TNIK: variants seen among roughly 807,000 people sequenced by gnomAD.
The protein encoded by TNIK is TRAF2 and NCK-interacting protein kinase.
A neutral mutation model predicts 191.3 loss-of-function variants in TNIK; 49 were observed. The observed-to-expected ratio is 0.26, with a 90% CI of 0.20 to 0.32. The LOEUF (loss-of-function observed/expected upper bound fraction) is 0.32. Ranked by LOEUF, TNIK falls within the 10% of genes least tolerant of loss-of-function variation. The pLI is 1.00. For missense variants in TNIK, 1,155 were observed against 1,702.3 expected (o/e 0.68, Z 5.66); for synonymous variants, 594 against 600.9 (o/e 0.99, Z 0.17).
chr3:171,190,353 T>G (rs1385117993), intron 6 of TNIK, among the ~76,000 whole-genome samples: 1 of 152,206 alleles, frequency 6.6e-6, no homozygotes, highest in African/African-American at 2.4e-5. Flanking sequence ...GGAAAAAAAT[T>G]GGGTCCTAGT....
chr3:171,322,429 A>C (rs1201995227), intron 2 of TNIK, among the ~76,000 whole-genome samples: 1 of 152,180 alleles, frequency 6.6e-6, no homozygotes, highest in Non-Finnish European at 1.5e-5. Context: ...CCCAATTTTC[A>C]CAGGTAACCA....
At chr3:171,415,563 C>CA (rs1300157854) in intron 1 of TNIK, among the ~76,000 whole-genome samples, 3 of 151,684 alleles carry the variant, frequency 2.0e-5, no homozygotes, top group South Asian at 2.1e-4. Context: ...GATAAATGCA[C>CA]AAAAAAAATT....
chr3:171,412,826 T>A (rs2108607959), intron 1 of TNIK, among the ~76,000 whole-genome samples: 1 of 152,350 alleles, frequency 6.6e-6, no homozygotes, highest in Middle Eastern at 3.4e-3. Context: ...TTATAATTGG[T>A]TGCTGTGAAC....
At chr3:171,258,072 A>G (rs761311963) in intron 2 of TNIK, among the ~76,000 whole-genome samples, 3 of 152,140 alleles carry the variant, frequency 2.0e-5, no homozygotes, top group Admixed American at 6.5e-5. Context: ...CACAGTGATG[A>G]TGGATGCCCT....
intron 2 of TNIK, among the ~76,000 whole-genome samples, chr3:171,316,882 G>A (rs1013336697): frequency 1.1e-4 from 17 of 148,464 alleles, no homozygotes; most frequent in Non-Finnish European, 1.3e-4. Context: ...ATATACAAGC[G>A]ATTACATTTT....
intron 2 of TNIK, among the ~76,000 whole-genome samples, chr3:171,298,579 G>A (rs1752565487): frequency 6.6e-6 from 1 of 152,166 alleles, no homozygotes; most frequent in Non-Finnish European, 1.5e-5. Flanking sequence ...TTCTGGCTGT[G>A]TCCTTTCTTA....
chr3:171,074,853 C>T (rs1719686087), intron 28 of TNIK, among the ~76,000 whole-genome samples: 1 of 152,156 alleles, frequency 6.6e-6, no homozygotes. Flanking sequence ...ATAACTAAGG[C>T]AAACAGTGTT....
chr3:171,134,901 C>G (rs1729763899), intron 15 of TNIK, among the ~76,000 whole-genome samples: 1 of 151,760 alleles, frequency 6.6e-6, no homozygotes, highest in African/African-American at 2.4e-5. Flanking sequence ...GAAAAGTAAG[C>G]AAAGAAGAAG....
At chr3:171,074,859 G>A (rs908819971) in intron 28 of TNIK, among the ~76,000 whole-genome samples, 7 of 152,206 alleles carry the variant, frequency 4.6e-5, no homozygotes, top group African/African-American at 1.4e-4. Context: ...AAGGCAAACA[G>A]TGTTTCTGAA....
chr3:171,191,653 T>G (rs901406756), intron 5 of TNIK, among the ~76,000 whole-genome samples: 1 of 152,260 alleles, frequency 6.6e-6, no homozygotes, highest in Non-Finnish European at 1.5e-5. Context: ...TTCTATTTCT[T>G]TTGTTGGCAT....
At chr3:171,120,570 C>T (rs1203677409) in intron 18 of TNIK, among the ~76,000 whole-genome samples, 1 of 152,130 alleles carries the variant, frequency 6.6e-6, no homozygotes, top group Non-Finnish European at 1.5e-5. Context: ...CCACCTGTCT[C>T]GGCCTCCCAA....
chr3:171,097,668 A>C (rs1722910166), intron 22 of TNIK, among the ~76,000 whole-genome samples: 1 of 152,154 alleles, frequency 6.6e-6, no homozygotes. Context: ...TTCACCTTCC[A>C]CCATGATTGT....
intron 21 of TNIK, among the ~76,000 whole-genome samples, chr3:171,105,143 A>G (rs979232793): frequency 1.3e-5 from 2 of 151,942 alleles, no homozygotes; most frequent in Admixed American, 1.3e-4. Context: ...TGATTTTCAG[A>G]TTTTTCATTT....
chr3:171,335,548 C>G (rs1321662587), intron 2 of TNIK, among the ~76,000 whole-genome samples: 1 of 152,202 alleles, frequency 6.6e-6, no homozygotes, highest in African/African-American at 2.4e-5. Context: ...TGGCTTCTTT[C>G]ACTTAGCATA....
intron 12 of TNIK, among the ~76,000 whole-genome samples, chr3:171,150,977 A>T (rs1294805947): frequency 6.6e-6 from 1 of 152,264 alleles, no homozygotes. Context: ...CTATACTTTG[A>T]AATCATCAGT....
chr3:171,456,033 A>G (rs116767661), intron 1 of TNIK, among the ~76,000 whole-genome samples: 4 of 152,222 alleles, frequency 2.6e-5, no homozygotes, highest in Non-Finnish European at 5.9e-5. Context: ...CTGGGTTTCA[A>G]TGGAGAAAGG....
intron 1 of TNIK, among the ~76,000 whole-genome samples, chr3:171,375,592 G>C (rs918310689): frequency 6.6e-6 from 1 of 152,204 alleles, no homozygotes; most frequent in African/African-American, 2.4e-5. Context: ...GCAGAGAGGA[G>C]AGATTTAAGA....
chr3:171,330,242 A>T (rs1756260034), intron 2 of TNIK, among the ~76,000 whole-genome samples: 1 of 152,228 alleles, frequency 6.6e-6, no homozygotes, highest in African/African-American at 2.4e-5. Flanking sequence ...AGTGTCATTG[A>T]GTCTTAGACA....
chr3:171,360,244 G>A (rs1388158206), intron 2 of TNIK, among the ~76,000 whole-genome samples: 2 of 152,190 alleles, frequency 1.3e-5, no homozygotes, highest in East Asian at 1.9e-4. Flanking sequence ...GGTATAAAAT[G>A]TGCATGTGTC....
Sources: gnomAD v4.1 joint callset for allele counts (sites outside exome capture counted in the v4.1 genomes callset) on GRCh38, gnomAD v4.1.1 for gene constraint, MANE v1.5 for transcripts, NCBI Gene and HGNC (gene_info 2026-07-23, HGNC 2026-07-21) for gene names.